MAP3K13: variants seen among roughly 807,000 people sequenced by gnomAD.
The protein encoded by MAP3K13 is leucine zipper-bearing kinase.
A neutral mutation model predicts 104.0 loss-of-function variants in MAP3K13; 52 were observed. The observed-to-expected ratio is 0.50, with a 90% confidence interval of 0.40 to 0.63. MAP3K13 has a LOEUF of 0.63. Among genes scored for constraint, MAP3K13 ranks in the 20% least tolerant of loss-of-function variants. MAP3K13 has a pLI of 0.00. For missense variants in MAP3K13, 914 were observed against 1,218.5 expected (o/e 0.75, Z 3.72); for synonymous variants, 394 against 442.2 (o/e 0.89, Z 1.37).
At chr3:185,405,433 C>T (rs1002914689) in intron 1 of MAP3K13, among the ~76,000 whole-genome samples, 1 of 152,222 alleles carries the variant, frequency 6.6e-6, no homozygotes, top group South Asian at 2.1e-4. Context: ...TGTGGCACCA[C>T]CCTATAGTTA....
At chr3:185,446,465 GA>G (rs1357648893) in intron 4 of MAP3K13, among the ~76,000 whole-genome samples, 1 of 152,092 alleles carries the variant, frequency 6.6e-6, no homozygotes, top group African/African-American at 2.4e-5. Flanking sequence ...TAAAGCCTCT[GA>G]AACCCTAAGT....
At chr3:185,401,113 T>A (rs1299853030) in intron 1 of MAP3K13, among the ~76,000 whole-genome samples, 1 of 152,156 alleles carries the variant, frequency 6.6e-6, no homozygotes, top group Non-Finnish European at 1.5e-5. Context: ...GGTGAACACA[T>A]CATCAGCAGT....
Position 185,307,543 on chromosome 3 carries a change from C to CCCG in MAP3K13, c.-86+21902_-86+21903insGCC, listed in dbSNP as rs1553786579. 6.1e-5 allele frequency among the ~76,000 whole-genome samples: 3 copies of CCCG among 48,910 alleles called. 1 individual carries two copies. The highest frequency in any genetic ancestry group is 2.0e-4 in the African/African-American group (3 of 14,892). 32.1% of individuals were successfully genotyped at this position (48,910 alleles called of 152,430 possible). A position where few individuals can be genotyped will look rare whatever the true frequency, so the allele number is the denominator to read the frequency against. On this transcript the variant is annotated intron_variant, in intron 2 of 14. Transcript: ENST00000424227. Reference sequence around the variant, plus strand: ...CTATAATTTCCATTTGGTGCACCACCCCCTCCCCCGCCACCCCGAGATGCA... The same window carrying CCCG: ...CTATAATTTCCATTTGGTGCACCACCCCGCCCTCCCCCGCCACCCCGAGATGCA...
At chr3:185,384,207 T>A (rs189739860) in intron 1 of MAP3K13, among the ~76,000 whole-genome samples, 20 of 152,306 alleles carry the variant, frequency 1.3e-4, no homozygotes, top group Non-Finnish European at 2.1e-4. Context: ...TATTTGTCTT[T>A]ATGTGCCTGG....
At chr3:185,433,141 G>A (rs889860577) in intron 2 of MAP3K13, among the ~76,000 whole-genome samples, 2 of 152,212 alleles carry the variant, frequency 1.3e-5, no homozygotes, top group East Asian at 3.8e-4. Flanking sequence ...AAAGTAGCAT[G>A]CAATTTAATC....
intron 2 of MAP3K13, among the ~76,000 whole-genome samples, chr3:185,354,610 G>T (rs894309792): frequency 1.4e-4 from 2 of 14,234 alleles, no homozygotes; most frequent in African/African-American, 2.1e-4. Flanking sequence ...TATAAGTATG[G>T]GGGGGGGGCA....
At chr3:185,455,962 G>GATGTATATAT (rs1452108948) in intron 7 of MAP3K13, among the ~76,000 whole-genome samples, 21 of 142,712 alleles carry the variant, frequency 1.5e-4, no homozygotes, top group African/African-American at 5.2e-4. Context: ...GTATATATAT[G>GATGTATATAT]ATATGTATGA....
chr3:185,359,835 T>A (rs1362038437), upstream of MAP3K13, among the ~76,000 whole-genome samples: 3 of 152,174 alleles, frequency 2.0e-5, no homozygotes, highest in African/African-American at 7.2e-5. Context: ...ACTCTTTCTT[T>A]TTCCTGGTAT....
At chr3:185,374,899 G>C (rs1221095274) in intron 1 of MAP3K13, among the ~76,000 whole-genome samples, 1 of 152,176 alleles carries the variant, frequency 6.6e-6, no homozygotes, top group East Asian at 1.9e-4. Flanking sequence ...GAGAGAGGTA[G>C]AGGGTGGCAT....
chr3:185,389,500 A>G (rs12493115), intron 1 of MAP3K13, among the ~76,000 whole-genome samples: 27,273 of 152,014 alleles, frequency 0.18, 2,636 homozygotes, highest in Non-Finnish European at 0.21. Flanking sequence ...CTTTCTTTTC[A>G]TTTATTGTCT....
intron 1 of MAP3K13, among the ~76,000 whole-genome samples, chr3:185,386,600 C>T (rs774856209): frequency 2.0e-4 from 30 of 152,136 alleles, no homozygotes; most frequent in Non-Finnish European, 3.2e-4. Context: ...CACATGCACG[C>T]GTATGTTCAT....
intron 1 of MAP3K13, among the ~76,000 whole-genome samples, chr3:185,403,087 A>C (rs1712908190): frequency 6.6e-6 from 1 of 152,240 alleles, no homozygotes; most frequent in Admixed American, 6.5e-5. Flanking sequence ...AACCGTGCCA[A>C]ACCTCAGCTA....
intron 1 of MAP3K13, among the ~76,000 whole-genome samples, chr3:185,402,608 G>T (rs764094248): frequency 6.6e-6 from 1 of 152,064 alleles, no homozygotes; most frequent in Non-Finnish European, 1.5e-5. Flanking sequence ...ACATCTCCAC[G>T]GTGTGAACCA....
chr3:185,458,818 G>A (rs181265973), intron 7 of MAP3K13, among the ~76,000 whole-genome samples: 147 of 152,256 alleles, frequency 9.7e-4, no homozygotes, highest in African/African-American at 3.3e-3. Flanking sequence ...TTTGTTTTTC[G>A]TCAACAGCAC....
At chr3:185,324,800 G>T (rs541569054) in intron 2 of MAP3K13, among the ~76,000 whole-genome samples, 2 of 90,382 alleles carry the variant, frequency 2.2e-5, no homozygotes, top group Non-Finnish European at 5.6e-5. Flanking sequence ...ACTAAGAACC[G>T]GCACAATTAA....
At position 185,311,558 on chromosome 3, in the gene MAP3K13, C is replaced by G. The variant is rs1721496015; in HGVS notation, c.-86+25915C>G. On this transcript the variant is annotated intron_variant, in intron 2 of 14. Transcript: ENST00000424227. ...TCATGTGTCTACCATAAGCCCCAAC[C>G]CAGAATCACCTTTACTTATTTTCTT... 2.0e-5 allele frequency among the ~76,000 whole-genome samples: 3 copies of G among 152,228 alleles called. 1 individual carries two copies. In the South Asian group the frequency reaches 6.2e-4, roughly 32 times the overall value.
chr3:185,374,141 T>G (rs1164280579), intron 1 of MAP3K13, among the ~76,000 whole-genome samples: 2 of 65,662 alleles, frequency 3.0e-5, no homozygotes, highest in Non-Finnish European at 1.1e-4. Context: ...CTATTTTCAC[T>G]CCTTTTTGTG....
At chr3:185,389,302 T>C (rs1326195257) in intron 1 of MAP3K13, among the ~76,000 whole-genome samples, 1 of 152,196 alleles carries the variant, frequency 6.6e-6, no homozygotes, top group Non-Finnish European at 1.5e-5. Context: ...TGAGTCTTAG[T>C]ATTTCCATTT....
intron 2 of MAP3K13, among the ~76,000 whole-genome samples, chr3:185,352,679 T>C (rs1348140132): frequency 1.3e-5 from 2 of 152,228 alleles, no homozygotes; most frequent in Non-Finnish European, 2.9e-5. Context: ...GCATATGTTA[T>C]CTTGAACATA....
Sources: gnomAD v4.1 joint callset for allele counts (sites outside exome capture counted in the v4.1 genomes callset) on GRCh38, gnomAD v4.1.1 for gene constraint, MANE v1.5 for transcripts, NCBI Gene and HGNC (gene_info 2026-07-23, HGNC 2026-07-21) for gene names.